The following ZFAND3 variants were observed in gnomAD, a reference collection of about 807,000 sequenced individuals.
ZFAND3 encodes the protein zinc finger AN1-type containing 3.
A neutral mutation model predicts 29.6 loss-of-function variants in ZFAND3; 10 were observed. The ratio of observed to expected loss-of-function variants is 0.34; its 90% CI spans 0.21 to 0.57. The LOEUF is 0.57. ZFAND3 is among the 20% of genes least tolerant of loss of function. The pLI is 0.86. For synonymous variants in ZFAND3, 128 were observed against 112.6 expected, an observed-to-expected ratio of 1.14 and a Z score of -0.87; for missense variants, 230 against 304.5, an observed-to-expected ratio of 0.76 and a Z score of 1.82.
intron 5 of ZFAND3, among the ~76,000 whole-genome samples, chr6:38,124,027 G>T (rs1365525575): frequency 6.6e-6 from 1 of 152,084 alleles, no homozygotes; most frequent in Non-Finnish European, 1.5e-5. Flanking sequence ...CTGCTGATGG[G>T]TCCATTTTAC....
At chr6:38,006,161 C>T (rs552888459) in intron 2 of ZFAND3, among the ~76,000 whole-genome samples, 3 of 152,122 alleles carry the variant, frequency 2.0e-5, no homozygotes, top group African/African-American at 4.8e-5. Context: ...AATCATCTTC[C>T]CATTATGACA....
chr6:38,096,209 GT>G (rs1764975978), intron 4 of ZFAND3, among the ~76,000 whole-genome samples: 1 of 150,422 alleles, frequency 6.6e-6, no homozygotes, highest in East Asian at 2.0e-4. Context: ...GTCTTGCTGT[GT>G]CACTCAGGCT....
At chr6:38,008,224 TA>T (rs1561964324) in intron 2 of ZFAND3, among the ~76,000 whole-genome samples, 1 of 152,096 alleles carries the variant, frequency 6.6e-6, no homozygotes, top group African/African-American at 2.4e-5. Context: ...AGACTAGCCT[TA>T]AAAAAAGGTA....
intron 2 of ZFAND3, among the ~76,000 whole-genome samples, chr6:38,031,234 C>T (rs964979665): frequency 7.3e-5 from 11 of 150,144 alleles, no homozygotes; most frequent in Non-Finnish European, 1.5e-4. Context: ...TTCAAAAATA[C>T]TTAGTTACTC....
chr6:37,858,707 A>G (rs956880800), intron 1 of ZFAND3, among the ~76,000 whole-genome samples: 6 of 152,232 alleles, frequency 3.9e-5, no homozygotes, highest in Non-Finnish European at 1.5e-5. Flanking sequence ...TTTCCTGCGT[A>G]TGAGTGAAAC....
intron 5 of ZFAND3, among the ~76,000 whole-genome samples, chr6:38,123,529 C>T (rs571450041): frequency 2.0e-5 from 3 of 152,264 alleles, no homozygotes; most frequent in Non-Finnish European, 2.9e-5. Flanking sequence ...CAGAGAAACA[C>T]CTGAGATCTT....
intron 1 of ZFAND3, among the ~76,000 whole-genome samples, chr6:37,875,703 G>T (rs1330685156): frequency 6.6e-6 from 1 of 151,762 alleles, no homozygotes. Flanking sequence ...ATGTTGCCCA[G>T]GCTGGAGTGC....
intron 2 of ZFAND3, among the ~76,000 whole-genome samples, chr6:38,036,215 G>T (rs1198547263): frequency 1.3e-5 from 2 of 152,218 alleles, no homozygotes; most frequent in African/African-American, 4.8e-5. Flanking sequence ...CCTTTGACCA[G>T]TAAGAAGTTT....
chr6:37,988,293 C>G (rs541445923), intron 2 of ZFAND3, among the ~76,000 whole-genome samples: 7 of 152,320 alleles, frequency 4.6e-5, no homozygotes, highest in African/African-American at 1.7e-4. Context: ...AACTTCAATG[C>G]TGCTTTCCTA....
rs61125348 is a variant in ZFAND3, at chr6:37,903,677, C to G, written c.72-26282C>G. On this transcript the variant is annotated intron_variant, in intron 1 of 5. Transcript: ENST00000287218. The stretch of plus-strand genomic sequence containing the variant: ...TCAAAGTCATCAGTGGCAGAGCACG[C>G]GCTCTAATAGCATGAATAATTTAAT... 1.6e-4 allele frequency among the ~76,000 whole-genome samples: 25 copies of G among 152,092 alleles called. 1 individual carries two copies.
chr6:38,008,221 C>T (rs1763083862), intron 2 of ZFAND3, among the ~76,000 whole-genome samples: 1 of 151,848 alleles, frequency 6.6e-6, no homozygotes, highest in Non-Finnish European at 1.5e-5. Context: ...TTAAGACTAG[C>T]CTTAAAAAAA....
intron 5 of ZFAND3, among the ~76,000 whole-genome samples, chr6:38,132,064 G>C (rs1765752407): frequency 6.6e-6 from 1 of 152,186 alleles, no homozygotes; most frequent in Non-Finnish European, 1.5e-5. Flanking sequence ...ATTCAGACTA[G>C]ACATATATGC....
chr6:37,836,033 G>A (rs532633507), intron 1 of ZFAND3, among the ~76,000 whole-genome samples: 183 of 152,294 alleles, frequency 1.2e-3, no homozygotes, highest in African/African-American at 4.2e-3. Flanking sequence ...TCTGAATTAG[G>A]AGAGAGGATG....
chr6:38,116,845 T>C (rs565397303), intron 5 of ZFAND3, 106 bp downstream of exon 5: 2 of 1,426,074 alleles, frequency 1.4e-6, no homozygotes, highest in East Asian at 4.7e-5. Flanking sequence ...CTGAGTACTG[T>C]AAGTTTGCTA....
chr6:37,924,616 C>T (rs1761448110), intron 1 of ZFAND3, among the ~76,000 whole-genome samples: 2 of 152,100 alleles, frequency 1.3e-5, no homozygotes, highest in Admixed American at 6.5e-5. Flanking sequence ...GGGAGGATCA[C>T]CTGAGCCCAG....
intron 5 of ZFAND3, among the ~76,000 whole-genome samples, chr6:38,144,184 A>ATATATATATAT (rs66561715): frequency 2.4e-5 from 1 of 42,544 alleles, no homozygotes; most frequent in Non-Finnish European, 4.9e-5. Context: ...ATATATATAT[A>ATATATATATAT]ATATATATAT....
intron 1 of ZFAND3, among the ~76,000 whole-genome samples, chr6:37,917,724 G>T (rs1761285504): frequency 6.6e-6 from 1 of 152,114 alleles, no homozygotes; most frequent in African/African-American, 2.4e-5. Flanking sequence ...ATTGGACTGG[G>T]AATAAGGAAA....
chr6:38,049,961 T>TTTATTTTTTA (rs763877563), intron 2 of ZFAND3, among the ~76,000 whole-genome samples: 7,723 of 24,992 alleles, frequency 0.31, 361 homozygotes, highest in Non-Finnish European at 0.4. Context: ...TTTTTTTTTT[T>TTTATTTTTTA]TTTTTTTGGG....
chr6:38,146,590 T>C (rs1766113073), intron 5 of ZFAND3, among the ~76,000 whole-genome samples: 1 of 152,196 alleles, frequency 6.6e-6, no homozygotes, highest in Non-Finnish European at 1.5e-5. Context: ...CCTGGACCAG[T>C]ATTTCATGAA....
Sources: allele counts gnomAD v4.1 joint callset (sites outside exome capture counted in the v4.1 genomes callset), GRCh38; gene constraint gnomAD v4.1.1; transcripts MANE v1.5; gene names NCBI Gene and HGNC (gene_info 2026-07-23, HGNC 2026-07-21).